TENM3: variants seen among roughly 807,000 people sequenced by gnomAD.
TENM3 encodes teneurin transmembrane protein 3, also known as teneurin-3.
In TENM3, 63 loss-of-function variants were observed where a neutral mutation model predicts 255.1. That is an observed-to-expected ratio of 0.25 (90% CI 0.20 to 0.30). TENM3 has a LOEUF of 0.30. TENM3 is among the 10% of genes least tolerant of loss of function. The pLI is 1.00. For missense variants in TENM3, 2,929 were observed against 3,461.1 expected (o/e 0.85, Z 3.86); for synonymous variants, 1,306 against 1,322.3 (o/e 0.99, Z 0.27).
chr4:181,696,374 T>A, the TENM3 span, among the ~76,000 whole-genome samples: 1 of 152,092 alleles, frequency 6.6e-6, no homozygotes, highest in Non-Finnish European at 1.5e-5. Flanking sequence ...TATCCACCAA[T>A]GTATTGACCA....
chr4:182,578,979 T>G (rs1381574238), intron 3 of TENM3, among the ~76,000 whole-genome samples: 1 of 152,236 alleles, frequency 6.6e-6, no homozygotes, highest in East Asian at 1.9e-4. Context: ...TTGTTCACCT[T>G]CTTCATGTAG....
intron 3 of TENM3, among the ~76,000 whole-genome samples, chr4:182,541,215 G>C (rs1451364120): frequency 6.6e-6 from 1 of 152,146 alleles, no homozygotes; most frequent in Admixed American, 6.5e-5. Context: ...GAAAAACTGA[G>C]GAACATCTAA....
the TENM3 span, among the ~76,000 whole-genome samples, chr4:182,001,595 T>C: frequency 1.3e-5 from 2 of 152,126 alleles, no homozygotes; most frequent in Admixed American, 6.6e-5. Flanking sequence ...AATTATAGCT[T>C]CCATCAACTA....
the TENM3 span, among the ~76,000 whole-genome samples, chr4:181,709,039 T>A: frequency 6.6e-6 from 1 of 152,220 alleles, no homozygotes; most frequent in South Asian, 2.1e-4. Flanking sequence ...TAAAAACCAC[T>A]AAGTCTGTAA....
At chr4:181,623,761 C>G in the TENM3 span, among the ~76,000 whole-genome samples, 1 of 152,202 alleles carries the variant, frequency 6.6e-6, no homozygotes, top group Non-Finnish European at 1.5e-5. Context: ...AAGAGGAGTT[C>G]ATGTACAAGC....
At chr4:181,650,200 G>A in the TENM3 span, among the ~76,000 whole-genome samples, 1 of 152,150 alleles carries the variant, frequency 6.6e-6, no homozygotes, top group Admixed American at 6.5e-5. Flanking sequence ...TTCTGAAACG[G>A]ATTTACTAAC....
chr4:182,772,322 G>A (rs948548151), intron 22 of TENM3, among the ~76,000 whole-genome samples: 8 of 152,044 alleles, frequency 5.3e-5, no homozygotes, highest in South Asian at 2.1e-4. Context: ...TTTCACCTAC[G>A]ATTATGATCC....
At chr4:181,786,824 CG>C in the TENM3 span, among the ~76,000 whole-genome samples, 1 of 151,886 alleles carries the variant, frequency 6.6e-6, no homozygotes, top group South Asian at 2.1e-4. Context: ...GAAGGTTCTG[CG>C]GCCTCTCAGC....
chr4:182,622,207 G>A (rs1431903336), intron 4 of TENM3, among the ~76,000 whole-genome samples: 1 of 151,530 alleles, frequency 6.6e-6, no homozygotes, highest in African/African-American at 2.4e-5. Context: ...TAAAAATACA[G>A]AAATTACCTG....
chr4:181,670,697 T>C, the TENM3 span, among the ~76,000 whole-genome samples: 1 of 152,172 alleles, frequency 6.6e-6, no homozygotes, highest in Non-Finnish European at 1.5e-5. Context: ...ATGGAAACAA[T>C]GAAGGTACAG....
In TENM3 at chr4:182,799,446, C is replaced by A; in HGVS notation, c.7345-150C>A. The A allele has an allele frequency of 1.0e-6, 1 of 989,500 alleles. No homozygotes were observed. The highest frequency in any genetic ancestry group is 1.8e-5 in the South Asian group (1 of 55,200). 61.3% of individuals were successfully genotyped at this position (989,500 alleles called of 1,614,324 possible). On this transcript the variant is annotated intron_variant, in intron 27 of 27. Transcript: ENST00000511685. This position sits in a 1 kb window ranked among gnomAD's most constrained non-coding sequence, Gnocchi z 4.2. ...GAGGGGGAGGGATCTCGAGTGCTCC[C>A]TCCACCCGGGCTGTCAGCCTTCTGG...
At chr4:181,470,639 A>G in the TENM3 span, among the ~76,000 whole-genome samples, 133,895 of 152,194 alleles carry the variant, frequency 0.88, 59,853 homozygotes, top group Non-Finnish European at 0.98. Context: ...CTCTGTTAAA[A>G]ATCTTGGATT....
the TENM3 span, among the ~76,000 whole-genome samples, chr4:181,721,930 G>C: frequency 6.6e-6 from 1 of 152,106 alleles, no homozygotes; most frequent in African/African-American, 2.4e-5. Flanking sequence ...TAGTGCCCGT[G>C]GGAGATGCAT....
chr4:182,055,708 C>A, the TENM3 span, among the ~76,000 whole-genome samples: 1 of 152,104 alleles, frequency 6.6e-6, no homozygotes, highest in Non-Finnish European at 1.5e-5. Flanking sequence ...AGTGATCAAC[C>A]ATTTGCCACT....
the TENM3 span, among the ~76,000 whole-genome samples, chr4:181,718,988 T>A: frequency 6.6e-6 from 1 of 151,758 alleles, no homozygotes; most frequent in Non-Finnish European, 1.5e-5. Flanking sequence ...GGGTGGATCA[T>A]GAGGTCAGGA....
intron 3 of TENM3, among the ~76,000 whole-genome samples, chr4:182,586,722 C>G (rs1050541573): frequency 6.6e-6 from 1 of 152,082 alleles, no homozygotes; most frequent in Non-Finnish European, 1.5e-5. Flanking sequence ...CATGATAATA[C>G]ATATCTCTGC....
intron 3 of TENM3, among the ~76,000 whole-genome samples, chr4:182,408,378 A>G (rs1373370368): frequency 2.0e-5 from 3 of 152,220 alleles, no homozygotes; most frequent in African/African-American, 7.2e-5. Flanking sequence ...AGAAATATGT[A>G]TCATGTTCTG....
chr4:181,641,993 G>T, the TENM3 span, among the ~76,000 whole-genome samples: 1 of 151,080 alleles, frequency 6.6e-6, no homozygotes, highest in Non-Finnish European at 1.5e-5. Flanking sequence ...ACCCAGTAAT[G>T]GGATTGCTGG....
intron 3 of TENM3, among the ~76,000 whole-genome samples, chr4:182,567,323 C>T (rs946430561): frequency 6.6e-6 from 1 of 152,110 alleles, no homozygotes; most frequent in Non-Finnish European, 1.5e-5. Context: ...GGCTTCCTGT[C>T]GGGTCTTTCT....
Sources: gnomAD v4.1 joint callset for allele counts (sites outside exome capture counted in the v4.1 genomes callset) on GRCh38, gnomAD v4.1.1 for gene constraint, Gnocchi (gnomAD v3.1) non-coding constraint, MANE v1.5 for transcripts, NCBI Gene and HGNC (gene_info 2026-07-23, HGNC 2026-07-21) for gene names.